Variants in EDARADD observed in about 807,000 individuals in gnomAD.
EDARADD encodes the protein EDAR associated via death domain.
In EDARADD, 20 loss-of-function variants were observed where a neutral mutation model predicts 25.6. The ratio of observed to expected loss-of-function variants is 0.78; its 90% CI spans 0.55 to 1.14. EDARADD has a LOEUF of 1.14. EDARADD is among the 50% of genes most tolerant of loss of function. The probability of loss-of-function intolerance (pLI) is 0.00; values close to 1 mark genes in which losing one functional copy is unlikely to be tolerated. For missense variants in EDARADD, 225 were observed against 270.1 expected, an observed-to-expected ratio of 0.83 and a Z score of 1.17; for synonymous variants, 86 against 94.4, an observed-to-expected ratio of 0.91 and a Z score of 0.52.
At chr1:236,476,069 G>A (rs1177068306) in intron 5 of EDARADD, among the ~76,000 whole-genome samples, 1 of 152,002 alleles carries the variant, frequency 6.6e-6, no homozygotes, top group Non-Finnish European at 1.5e-5. Context: ...GCTGGCGCCT[G>A]TAATCTCAGC....
intron 3 of EDARADD, among the ~76,000 whole-genome samples, chr1:236,357,556 T>A (rs1666994710): frequency 6.6e-6 from 1 of 152,120 alleles, no homozygotes; most frequent in African/African-American, 2.4e-5. Flanking sequence ...GGCACCAGCA[T>A]CTGCTTGGCT....
At chr1:236,440,605 G>A (rs1021903724) in intron 4 of EDARADD, among the ~76,000 whole-genome samples, 20 of 150,350 alleles carry the variant, frequency 1.3e-4, no homozygotes, top group African/African-American at 4.4e-4. Context: ...TTGAAGGTTT[G>A]TGGCAACCTT....
chr1:236,398,580 G>A lies in EDARADD; in HGVS notation c.61+4075G>A, dbSNP rs1167581506. ...CTAGCTTGACCCCTGCTCTCTGCAC[G>A]CAGCCGTGCTGCCTCCTTTCATTTC... On this transcript the variant is annotated intron_variant, in intron 1 of 5. Transcript: ENST00000334232. The surrounding 1 kb of genome is among the most constrained non-coding windows in gnomAD (Gnocchi z 4.1). Among the ~76,000 whole-genome samples the A allele has an allele frequency of 6.6e-6, 1 of 152,148 alleles. No individual in the cohort carries two copies. The highest frequency in any genetic ancestry group is 1.5e-5 in the Non-Finnish European group (1 of 68,016).
At position 236,404,461 on chromosome 1, in the gene EDARADD, C is replaced by T. The variant is rs375100766; in HGVS notation, c.62-4755C>T. 1.1e-4 allele frequency among the ~76,000 whole-genome samples: 17 copies of T among 152,168 alleles called. No individual in the cohort carries two copies. The East Asian group carries it at 2.1e-3, about 19-fold the overall frequency. Reference sequence around the variant, plus strand: ...TGCAGTTTCAGATACAGTGCATGGGCGCCACCGTGGGCCTGGGTCAATGAG... The same window carrying T: ...TGCAGTTTCAGATACAGTGCATGGGTGCCACCGTGGGCCTGGGTCAATGAG... On this transcript the variant is annotated intron_variant, in intron 1 of 5. Transcript: ENST00000334232.
intron 4 of EDARADD, among the ~76,000 whole-genome samples, chr1:236,454,530 G>C (rs1658803689): frequency 6.6e-6 from 1 of 152,226 alleles, no homozygotes; most frequent in Admixed American, 6.5e-5. Context: ...TCCAGAACTA[G>C]AGCAGGGGGA....
chr1:236,454,482 C>A (rs1323314182), intron 4 of EDARADD, among the ~76,000 whole-genome samples: 1 of 152,198 alleles, frequency 6.6e-6, no homozygotes, highest in East Asian at 1.9e-4. Flanking sequence ...GAGACCAGGG[C>A]CCCATCTATT....
In EDARADD at chr1:236,363,004, A is replaced by AT. The variant is rs1309610398; in HGVS notation, c.-6+12165_-6+12166insT. ...TTTTTTAAGAAAAAAAAAAAAAAAA[A>AT]AAATATATATATATATATATATATA... On this transcript the variant is annotated intron_variant, in intron 3 of 7. Coordinates refer to the EDARADD transcript ENST00000439430. Among the ~76,000 whole-genome samples, 119 of 58,322 alleles carry AT rather than the reference A, an allele frequency of 2.0e-3. 1 individual carries two copies. Among genetic ancestry groups the AT allele is most frequent in the South Asian group, 2.9e-3 (4 of 1,390 alleles). 38.3% of individuals were successfully genotyped at this position (58,322 alleles called of 152,430 possible). A position where few individuals can be genotyped will look rare whatever the true frequency, so the allele number is the denominator to read the frequency against.
chr1:236,402,254 G>A (rs1372941358), intron 1 of EDARADD, among the ~76,000 whole-genome samples: 1 of 152,138 alleles, frequency 6.6e-6, no homozygotes, highest in African/African-American at 2.4e-5. Context: ...GAGCCACTGT[G>A]CCCAGCCCAC....
intron 3 of EDARADD, among the ~76,000 whole-genome samples, chr1:236,418,454 A>G (rs938737829): frequency 2.0e-5 from 3 of 151,720 alleles, no homozygotes; most frequent in Non-Finnish European, 4.4e-5. Context: ...CATGTTGGCC[A>G]GGCTGGTCTC....
intron 4 of EDARADD, among the ~76,000 whole-genome samples, chr1:236,449,969 T>G (rs985468188): frequency 1.3e-5 from 2 of 151,996 alleles, no homozygotes; most frequent in African/African-American, 4.8e-5. Context: ...GGTGTAGTGG[T>G]GTGCGCCTGT....
chr1:236,458,480 C>T (rs960370635), intron 4 of EDARADD, among the ~76,000 whole-genome samples: 12 of 151,942 alleles, frequency 7.9e-5, no homozygotes, highest in Non-Finnish European at 2.9e-5. Context: ...GAAGGAAGTA[C>T]CTAGATTGTA....
intron 4 of EDARADD, among the ~76,000 whole-genome samples, chr1:236,431,115 AAAAT>A (rs36134200): frequency 0.45 from 67,785 of 151,398 alleles, 17,439 homozygotes; most frequent in Non-Finnish European, 0.59. Flanking sequence ...ACCCTGTCTT[AAAAT>A]AAATAAATAA....
chr1:236,463,425 C>T (rs1659092299), intron 4 of EDARADD, among the ~76,000 whole-genome samples: 1 of 152,148 alleles, frequency 6.6e-6, no homozygotes, highest in Non-Finnish European at 1.5e-5. Context: ...TTCCGAGTAG[C>T]TGGGATTACA....
In EDARADD at chr1:236,398,044, C is replaced by T. The variant is rs568461357; in HGVS notation, c.61+3539C>T. Among the ~76,000 whole-genome samples the T allele has an allele frequency of 5.0e-3, 768 of 152,322 alleles. 2 individuals are homozygous for T. The highest frequency in any genetic ancestry group is 8.7e-3 in the Non-Finnish European group (590 of 68,032). ...CCCGCCTGGTGTTTTCACACCATTC[C>T]AACGTAGGTTTTCACACCCACTCTT... On this transcript the variant is annotated intron_variant, in intron 1 of 5. Transcript: ENST00000334232. This position sits in a 1 kb window ranked among gnomAD's most constrained non-coding sequence, Gnocchi z 4.1.
upstream of EDARADD, among the ~76,000 whole-genome samples, chr1:236,393,136 CT>C (rs1014528353): frequency 6.6e-6 from 1 of 152,122 alleles, no homozygotes; most frequent in African/African-American, 2.4e-5. Flanking sequence ...CCTGCAGACA[CT>C]TGCAGACTCA....
intron 4 of EDARADD, among the ~76,000 whole-genome samples, chr1:236,460,357 A>T (rs898997753): frequency 6.6e-6 from 1 of 151,314 alleles, no homozygotes; most frequent in African/African-American, 2.4e-5. Context: ...ATTTTTGTAT[A>T]TTTTTTGTAG....
At chr1:236,367,847 G>A (rs996215669) in intron 3 of EDARADD, among the ~76,000 whole-genome samples, 5 of 152,150 alleles carry the variant, frequency 3.3e-5, no homozygotes, top group African/African-American at 1.2e-4. Flanking sequence ...TGTGGCTCAT[G>A]CCTGTAATTC....
rs1667500373 is a variant in EDARADD, at chr1:236,395,577, C to T, written c.61+1072C>T. The T allele has an allele frequency of 6.5e-7, 1 of 1,545,254 alleles. No homozygotes were observed. The highest frequency in any genetic ancestry group is 8.7e-7 in the Non-Finnish European group (1 of 1,147,564). On this transcript the variant is annotated intron_variant, in intron 1 of 5. Coordinates refer to ENST00000334232, the MANE Select transcript of EDARADD (RefSeq NM_145861.4). This position sits in a 1 kb window ranked among gnomAD's most constrained non-coding sequence, Gnocchi z 6.9. Reference sequence around the variant, plus strand: ...CCGTGGTCCCACGGTCCTCCCGCGCCCCGGAGGCCTGCCAGCCCCGCTCGG... The same window carrying T: ...CCGTGGTCCCACGGTCCTCCCGCGCTCCGGAGGCCTGCCAGCCCCGCTCGG...
intron 3 of EDARADD, among the ~76,000 whole-genome samples, chr1:236,372,664 C>T (rs1461897805): frequency 6.6e-6 from 1 of 152,076 alleles, no homozygotes; most frequent in Non-Finnish European, 1.5e-5. Context: ...TGGTAAAACT[C>T]ACCAGTAAAT....
Sources: allele counts gnomAD v4.1 joint callset (sites outside exome capture counted in the v4.1 genomes callset), GRCh38; gene constraint gnomAD v4.1.1; non-coding constraint Gnocchi (gnomAD v3.1); transcripts MANE v1.5; gene names NCBI Gene and HGNC (gene_info 2026-07-23, HGNC 2026-07-21).